Variants in LASP1 observed in about 807,000 individuals in gnomAD.
The protein encoded by LASP1 is LIM and SH3 domain protein 1.
In LASP1, 10 loss-of-function variants were observed where a neutral mutation model predicts 38.6. The observed-to-expected ratio is 0.26, with a 90% CI of 0.16 to 0.44. The LOEUF is 0.44. LASP1 is among the 20% of genes least tolerant of loss of function. LASP1 has a pLI of 1.00. For missense variants in LASP1, 243 were observed against 375.7 expected (o/e 0.65, Z 2.92); for synonymous variants, 132 against 140.8 (o/e 0.94, Z 0.44).
At position 38,919,033 on chromosome 17, in the gene LASP1, A is replaced by AGGGCGAGGCCCGTGG. The variant is rs11270367; in HGVS notation, c.*257_*258insGCGAGGCCCGTGGGG. On this transcript the variant is annotated 3_prime_UTR_variant, in exon 7 of 7. Coordinates refer to ENST00000318008, the MANE Select transcript of LASP1 (RefSeq NM_006148.4). ...GAACGGGCATGGGCCTCTCTGGGGGAGGCAGGGCTGGAATGGGAGACCTGT... is the reference window on the plus strand; with the variant it reads ...GAACGGGCATGGGCCTCTCTGGGGGAGGGCGAGGCCCGTGGGGCAGGGCTGGAATGGGAGACCTGT... 0.77 allele frequency: 408,034 copies of AGGGCGAGGCCCGTGG among 532,354 alleles called. 158,554 individuals carry two copies. The highest frequency in any genetic ancestry group is 0.89 in the African/African-American group (47,075 of 52,684). The allele number at this position is 532,354 out of a possible 1,614,324, so 33.0% of individuals were successfully genotyped here. A position where few individuals can be genotyped will look rare whatever the true frequency, so the allele number is the denominator to read the frequency against.
At chr17:38,903,208 G>A (rs1028829262) in intron 4 of LASP1, among the ~76,000 whole-genome samples, 23 of 152,122 alleles carry the variant, frequency 1.5e-4, no homozygotes, top group Admixed American at 6.6e-4. Flanking sequence ...GGAAGAGATG[G>A]TAAGGGCCCA....
chr17:38,888,774 C>T (rs959241069), intron 2 of LASP1, among the ~76,000 whole-genome samples: 22 of 152,198 alleles, frequency 1.4e-4, no homozygotes, highest in Admixed American at 1.2e-3. Flanking sequence ...GCCAGCACAC[C>T]GTTTCCTCCT....
Position 38,893,820 on chromosome 17 carries a change from G to A in LASP1, c.249+3316G>A, listed in dbSNP as rs538873178. Among the ~76,000 whole-genome samples the A allele has an allele frequency of 7.2e-5, 11 of 152,322 alleles. No individual in the cohort carries two copies. In the East Asian group the frequency reaches 2.1e-3, roughly 29 times the overall value. ...TCTGGTTCCTGTGGCTGCCGTGGGG[G>A]CAGAGCTGGAGAGAGCTGCCTGCGG... On this transcript the variant is annotated intron_variant, in intron 3 of 6. Coordinates refer to ENST00000318008, the MANE Select transcript of LASP1 (RefSeq NM_006148.4).
intron 2 of LASP1, among the ~76,000 whole-genome samples, chr17:38,885,006 G>A (rs1305288802): frequency 7.2e-5 from 11 of 152,128 alleles, no homozygotes; most frequent in African/African-American, 2.4e-4. Flanking sequence ...AAGTTCAGAG[G>A]GATAGGCAGC....
rs139578572 is a variant in LASP1 at position 38,879,087 on chromosome 17, C to T, written c.164+907C>T. ...GGGGCCTCACAGCCGCCTCCACCTG[C>T]GAGGTGGAGGCTTTGGAAGGTCAAG... On this transcript the variant is annotated intron_variant, in intron 2 of 6. Coordinates refer to ENST00000318008, the MANE Select transcript of LASP1 (RefSeq NM_006148.4). Among the ~76,000 whole-genome samples, 58 of 151,048 alleles carry T rather than the reference C, an allele frequency of 3.8e-4. No homozygotes were observed. In the East Asian group the frequency reaches 0.011, roughly 28 times the overall value.
chr17:38,892,667 C>T (rs998492904), intron 3 of LASP1, among the ~76,000 whole-genome samples: 2 of 152,160 alleles, frequency 1.3e-5, no homozygotes. Context: ...CTTTTTGCCC[C>T]GGCACCCTAT....
At chr17:38,879,499 C>T (rs1443062004) in intron 2 of LASP1, among the ~76,000 whole-genome samples, 1 of 149,054 alleles carries the variant, frequency 6.7e-6, no homozygotes, top group Non-Finnish European at 1.5e-5. Flanking sequence ...TTTTTTTTAA[C>T]TTCAACCAAC....
chr17:38,870,668 G>T (rs1913576169), intron 1 of LASP1, among the ~76,000 whole-genome samples: 1 of 152,062 alleles, frequency 6.6e-6, no homozygotes, highest in African/African-American at 2.4e-5. Flanking sequence ...CGGGGCGCTG[G>T]TGGAGGGGGC....
intron 1 of LASP1, among the ~76,000 whole-genome samples, chr17:38,876,107 A>G (rs1913763101): frequency 6.6e-6 from 1 of 151,448 alleles, no homozygotes; most frequent in South Asian, 2.1e-4. Context: ...TTGCCTAAGC[A>G]TCAATACTTC....
Position 38,915,107 on chromosome 17 carries a change from C to A in LASP1, c.573C>A (p.Ala191=). 6.2e-7 allele frequency: 1 copy of A among 1,613,944 alleles called. No homozygotes were observed. Among genetic ancestry groups the A allele is most frequent in the African/African-American group, 1.3e-5 (1 of 75,002 alleles). Residue 191 remains alanine, a synonymous_variant, in exon 6 of 7, where the codon GCC becomes GCA. Transcript: ENST00000318008. The part of the protein sequence containing the change: ...QSYGGYKEPA[A]PVSIQRSAPG... ...ATGGTGGCTACAAGGAGCCTGCAGC[C>A]CCAGTCTCCATACAGCGCAGCGCCC...
chr17:38,892,066 G>C (rs932644538), intron 3 of LASP1, among the ~76,000 whole-genome samples: 8 of 152,242 alleles, frequency 5.3e-5, no homozygotes, highest in African/African-American at 1.7e-4. Context: ...TCCAGCCTGG[G>C]TGATGGGGTG....
intron 4 of LASP1, among the ~76,000 whole-genome samples, chr17:38,905,172 A>G (rs1004718056): frequency 6.6e-5 from 10 of 152,002 alleles, no homozygotes; most frequent in African/African-American, 2.4e-4. Flanking sequence ...TCCAGTTGCT[A>G]TGGACATTTT....
chr17:38,879,000 A>C (rs1418414041), intron 2 of LASP1, among the ~76,000 whole-genome samples: 1 of 151,894 alleles, frequency 6.6e-6, no homozygotes, highest in African/African-American at 2.4e-5. Context: ...GCAATCCCAG[A>C]AAGTACAGCA....
intron 4 of LASP1, chr17:38,899,064 G>A (rs1487982002): frequency 1.2e-5 from 4 of 330,464 alleles, no homozygotes; most frequent in South Asian, 2.4e-5. Flanking sequence ...TCTGGCTGTG[G>A]CAGGGGTGGG....
At chr17:38,885,364 G>T (rs1914088493) in intron 2 of LASP1, among the ~76,000 whole-genome samples, 1 of 152,222 alleles carries the variant, frequency 6.6e-6, no homozygotes. Context: ...GTTGCTTTGT[G>T]TCTCTGTAAA....
chr17:38,900,808 G>A (rs1375081433), intron 4 of LASP1, among the ~76,000 whole-genome samples: 3 of 152,178 alleles, frequency 2.0e-5, no homozygotes, highest in South Asian at 2.1e-4. Flanking sequence ...TGCCTAGGGC[G>A]GGCACTCTAA....
At chr17:38,887,496 C>A (rs1269467565) in intron 2 of LASP1, among the ~76,000 whole-genome samples, 1 of 152,182 alleles carries the variant, frequency 6.6e-6, no homozygotes, top group Non-Finnish European at 1.5e-5. Flanking sequence ...CGGGGACGAC[C>A]CCAGACTTGG....
chr17:38,870,229 C>A lies in LASP1; in HGVS notation c.40C>A (p.Pro14Thr), dbSNP rs750816831. The A allele has an allele frequency of 1.9e-6, 3 of 1,613,750 alleles. No homozygotes were observed. Among genetic ancestry groups the A allele is most frequent in the African/African-American group, 2.7e-5 (2 of 74,940 alleles). The change falls in exon 1 of 7, where the codon CCC becomes ACC. Residue 14 changes from proline (P) to threonine (T), a missense_variant. Transcript: ENST00000318008. The stretch of plus-strand genomic sequence containing the variant: ...CGCCCGGTGCGGCAAGATCGTGTAT[C>A]CCACGGAGAAGGTGAACTGTCTGGA... ...NCARCGKIVY[P>T]TEKVNCLDKF...
At chr17:38,875,397 T>C (rs1598102977) in intron 1 of LASP1, among the ~76,000 whole-genome samples, 2 of 151,752 alleles carry the variant, frequency 1.3e-5, no homozygotes, top group East Asian at 3.9e-4. Flanking sequence ...CAGGGACCAG[T>C]CTGTCTTAGT....
Sources: gnomAD v4.1 joint callset for allele counts (sites outside exome capture counted in the v4.1 genomes callset) on GRCh38, gnomAD v4.1.1 for gene constraint, MANE v1.5 for transcripts, NCBI Gene and HGNC (gene_info 2026-07-23, HGNC 2026-07-21) for gene names.